ARB2A: variants seen among roughly 807,000 people sequenced by gnomAD.
The protein encoded by ARB2A is cotranscriptional regulator ARB2A.
chr5:93,854,466 T>C, the ARB2A span, among the ~76,000 whole-genome samples: 1 of 152,314 alleles, frequency 6.6e-6, no homozygotes, highest in East Asian at 1.9e-4. Context: ...TCAGTTCTGC[T>C]CTGATTTTAG....
the ARB2A span, among the ~76,000 whole-genome samples, chr5:93,661,467 C>T: frequency 6.6e-6 from 1 of 152,108 alleles, no homozygotes; most frequent in Non-Finnish European, 1.5e-5. Flanking sequence ...TTTTGTTTCA[C>T]ATTACCCTAC....
chr5:93,772,609 G>A, the ARB2A span, among the ~76,000 whole-genome samples: 1 of 152,202 alleles, frequency 6.6e-6, no homozygotes, highest in Non-Finnish European at 1.5e-5. Flanking sequence ...TCTGAACACA[G>A]CTGAGTGATA....
chr5:93,804,743 T>C, the ARB2A span: 74 of 339,870 alleles, frequency 2.2e-4, no homozygotes, highest in Non-Finnish European at 2.9e-4. Context: ...AATTATATAC[T>C]TTTTAATATA....
the ARB2A span, among the ~76,000 whole-genome samples, chr5:93,937,409 T>C: frequency 2.0e-5 from 3 of 150,528 alleles, no homozygotes; most frequent in African/African-American, 4.9e-5. Flanking sequence ...GAGACCATTC[T>C]GGCCAACATG....
the ARB2A span, among the ~76,000 whole-genome samples, chr5:94,095,330 CA>C: frequency 3.3e-5 from 5 of 152,144 alleles, no homozygotes; most frequent in Non-Finnish European, 7.3e-5. Context: ...TCTGTTTGGG[CA>C]AGATTATGTT....
chr5:93,726,077 A>T, the ARB2A span, among the ~76,000 whole-genome samples: 2 of 152,218 alleles, frequency 1.3e-5, no homozygotes, highest in Admixed American at 1.3e-4. Context: ...TTCGAACATC[A>T]GTCAAGTGAT....
chr5:93,995,019 T>C, the ARB2A span, among the ~76,000 whole-genome samples: 1 of 152,134 alleles, frequency 6.6e-6, no homozygotes, highest in Non-Finnish European at 1.5e-5. Flanking sequence ...AAAAAAAATC[T>C]ATTATAGAAA....
At chr5:93,930,884 T>C in the ARB2A span, among the ~76,000 whole-genome samples, 2 of 152,210 alleles carry the variant, frequency 1.3e-5, no homozygotes, top group Admixed American at 6.5e-5. Context: ...GTTTGTTACA[T>C]AGGTATATGT....
At chr5:94,075,269 A>G in the ARB2A span, among the ~76,000 whole-genome samples, 1 of 152,062 alleles carries the variant, frequency 6.6e-6, no homozygotes, top group Non-Finnish European at 1.5e-5. Flanking sequence ...AATTTCCTAT[A>G]GTGTAATTAA....
chr5:94,016,027 A>G, the ARB2A span, among the ~76,000 whole-genome samples: 1 of 152,190 alleles, frequency 6.6e-6, no homozygotes, highest in African/African-American at 2.4e-5. Context: ...ACCCAATTAT[A>G]TACTGTCTAC....
chr5:94,093,855 G>A, the ARB2A span, among the ~76,000 whole-genome samples: 1 of 152,122 alleles, frequency 6.6e-6, no homozygotes, highest in African/African-American at 2.4e-5. Context: ...GACAAGTTAT[G>A]TATTTCCAAA....
chr5:94,108,279 A>C, the ARB2A span, among the ~76,000 whole-genome samples: 1 of 152,206 alleles, frequency 6.6e-6, no homozygotes, highest in African/African-American at 2.4e-5. Flanking sequence ...TAAAAAGAAA[A>C]AAAAATCAAA....
At chr5:93,622,059 G>A in the ARB2A span, among the ~76,000 whole-genome samples, 1 of 152,132 alleles carries the variant, frequency 6.6e-6, no homozygotes, top group Admixed American at 6.5e-5. Context: ...TTTAACACAG[G>A]CAGCGGATAA....
the ARB2A span, among the ~76,000 whole-genome samples, chr5:94,049,793 C>A: frequency 3.3e-5 from 5 of 152,070 alleles, 1 homozygote; most frequent in African/African-American, 1.2e-4. Context: ...TGCACTCCAG[C>A]CTGAGTAACA....
chr5:94,004,486 G>C, the ARB2A span, among the ~76,000 whole-genome samples: 2 of 151,942 alleles, frequency 1.3e-5, no homozygotes, highest in Non-Finnish European at 2.9e-5. Context: ...GGAGGCTGAG[G>C]CAGGAGAATA....
the ARB2A span, among the ~76,000 whole-genome samples, chr5:94,078,405 C>G: frequency 6.6e-6 from 1 of 152,124 alleles, no homozygotes; most frequent in Non-Finnish European, 1.5e-5. Flanking sequence ...AAGACCCACC[C>G]AAATTACAGT....
chr5:93,644,568 C>A, the ARB2A span, among the ~76,000 whole-genome samples: 1 of 152,140 alleles, frequency 6.6e-6, no homozygotes. Flanking sequence ...GAAAACATTT[C>A]TTTACTGAGA....
At chr5:94,107,346 A>T in the ARB2A span, among the ~76,000 whole-genome samples, 1 of 152,078 alleles carries the variant, frequency 6.6e-6, no homozygotes, top group South Asian at 2.1e-4. Flanking sequence ...CTGCCATCTC[A>T]TCTGCAGTAA....
At chr5:93,950,314 C>T in the ARB2A span, among the ~76,000 whole-genome samples, 1,698 of 152,174 alleles carry the variant, frequency 0.011, 25 homozygotes, top group African/African-American at 0.038. Flanking sequence ...AGTCATTGTA[C>T]TAATTTACCT....
Sources: gnomAD v4.1 joint callset for allele counts (sites outside exome capture counted in the v4.1 genomes callset) on GRCh38, gnomAD v4.1.1 for gene constraint, MANE v1.5 for transcripts, NCBI Gene and HGNC (gene_info 2026-07-23, HGNC 2026-07-21) for gene names.